ZNF232: variants seen among roughly 807,000 people sequenced by gnomAD.
The protein encoded by ZNF232 is zinc finger protein 232.
In ZNF232, 25 loss-of-function variants were observed where a neutral mutation model predicts 25.2. That is an observed-to-expected ratio of 0.99 (90% confidence interval 0.72 to 1.39). The LOEUF (loss-of-function observed/expected upper bound fraction) is 1.39, where lower values mean the gene tolerates loss of function less well. Ranked by LOEUF, ZNF232 falls within the 40% of genes most tolerant of loss-of-function variation. The pLI is 0.00. For synonymous variants in ZNF232, 193 were observed against 182.9 expected (o/e 1.06, Z -0.45); for missense variants, 519 against 520.9 (o/e 1.00, Z 0.04).
At chr17:5,113,602 A>T (rs2072466566), upstream of ZNF232, 1 of 152,236 alleles carries the variant, frequency 6.6e-6, no homozygotes, top group Non-Finnish European at 1.5e-5. Context: ...TCTGTATCTA[A>T]TTTTGCTAGG....
chr17:5,120,859 G>C, intron 1 of ZNF232: 1 of 454,526 alleles, frequency 2.2e-6, no homozygotes, highest in South Asian at 1.6e-5. Context: ...CAGCTGGAAC[G>C]CTGGCAGATC....
exon 4 of ZNF232, chr17:5,106,427 C>T (rs752151759): frequency 2.5e-6 from 4 of 1,614,242 alleles, no homozygotes; most frequent in South Asian, 1.1e-5. Context: ...TTTCTGAGAA[C>T]ACCTGTGATT....
At chr17:5,117,374 G>T (rs2072561207) in intron 1 of ZNF232, among the ~76,000 whole-genome samples, 1 of 151,962 alleles carries the variant, frequency 6.6e-6, no homozygotes, top group Non-Finnish European at 1.5e-5. Flanking sequence ...AAATTAGCCG[G>T]GTGTGGAGGC....
intron 3 of ZNF232, 170 bp downstream of exon 3, chr17:5,108,756 A>T: frequency 9.8e-7 from 1 of 1,024,454 alleles, no homozygotes; most frequent in Non-Finnish European, 1.4e-6. Flanking sequence ...TCCTAATTTT[A>T]TGAGTGATGA....
At chr17:5,105,991 T>A (rs199506531) in exon 4 of ZNF232, 47 of 1,614,052 alleles carry the variant, frequency 2.9e-5, no homozygotes, top group Middle Eastern at 3.3e-4. Context: ...CCACACTCAT[T>A]ACACTCATAG....
chr17:5,106,395 G>C, exon 4 of ZNF232: 5 of 1,614,204 alleles, frequency 3.1e-6, no homozygotes, highest in Non-Finnish European at 4.2e-6. Context: ...AGCTTCAAAT[G>C]TAGAGGTGTC....
upstream of ZNF232, among the ~76,000 whole-genome samples, chr17:5,115,156 T>C (rs1408507032): frequency 6.8e-6 from 1 of 147,122 alleles, no homozygotes; most frequent in Non-Finnish European, 1.5e-5. Flanking sequence ...TCAGGACGTC[T>C]CATTTTATTT....
intron 1 of ZNF232, chr17:5,120,912 C>G (rs2072641557): frequency 1.3e-5 from 6 of 454,420 alleles, no homozygotes; most frequent in South Asian, 9.3e-5. Flanking sequence ...ACCAGTTGGA[C>G]CAGCCCCTCA....
At chr17:5,109,893 C>T (rs2072356837) in intron 1 of ZNF232, 25 bp from the exon 2 acceptor site, 3 of 1,552,606 alleles carry the variant, frequency 1.9e-6, no homozygotes, top group East Asian at 2.2e-5. Flanking sequence ...GAAATCATTC[C>T]TCTTTTTTTT....
intron 2 of ZNF232, 37 bp from the exon 3 acceptor site, chr17:5,109,089 T>C (rs891353764): frequency 1.2e-6 from 2 of 1,613,186 alleles, no homozygotes; most frequent in Non-Finnish European, 1.7e-6. Context: ...TTAAATTTTC[T>C]TCAAATTACT....
At chr17:5,120,568 G>A (rs2072631703) in intron 1 of ZNF232, 1 of 353,710 alleles carries the variant, frequency 2.8e-6, no homozygotes, top group Non-Finnish European at 5.5e-6. Context: ...AAGAAGGCAG[G>A]CCCCAGGGTC....
chr17:5,113,196 ATTATC>A (rs1183294635), upstream of ZNF232, among the ~76,000 whole-genome samples: 1 of 152,184 alleles, frequency 6.6e-6, no homozygotes, highest in African/African-American at 2.4e-5. Flanking sequence ...TGGGGGATAT[ATTATC>A]TTTTTTCCTT....
exon 4 of ZNF232, chr17:5,106,439 C>T: frequency 6.2e-7 from 1 of 1,614,152 alleles, no homozygotes. Context: ...CCTGTGATTC[C>T]ACTTCAGTAA....
chr17:5,114,411 G>A (rs1205693416), upstream of ZNF232: 1 of 152,316 alleles, frequency 6.6e-6, no homozygotes, highest in African/African-American at 2.4e-5. Flanking sequence ...CATTCACAAA[G>A]TTTCTTTCCA....
chr17:5,117,746 C>T (rs1002113373), intron 1 of ZNF232, among the ~76,000 whole-genome samples: 6 of 151,836 alleles, frequency 4.0e-5, no homozygotes, highest in African/African-American at 9.7e-5. Flanking sequence ...TAGGAGGCTG[C>T]GATAATAGTA....
exon 2 of ZNF232, chr17:5,109,529 G>T (rs1597923793): frequency 1.2e-6 from 2 of 1,614,176 alleles, no homozygotes; most frequent in Non-Finnish European, 1.7e-6. Context: ...CCAGCACCAG[G>T]AACTCCAGGA....
At chr17:5,116,221 A>T (rs545407841), upstream of ZNF232, among the ~76,000 whole-genome samples, 17 of 138,616 alleles carry the variant, frequency 1.2e-4, no homozygotes, top group East Asian at 2.7e-3. Flanking sequence ...CGAGACGCTC[A>T]TTGAGAGGAC....
chr17:5,121,987 T>C (rs373220946), intron 1 of ZNF232, among the ~76,000 whole-genome samples: 1 of 151,706 alleles, frequency 6.6e-6, no homozygotes, highest in African/African-American at 2.4e-5. Flanking sequence ...GATTTGGAGC[T>C]GAAGAGGGGA....
rs144572405 is a variant in ZNF232, at chr17:5,107,244, C to T, written c.626-738G>A. On this transcript the variant is annotated intron_variant, in intron 3 of 3. Transcript: ENST00000575898. ...TCTACTAAAAATACAGAAAATTAGC[C>T]GAGCATGATGGCGGGCGCCTGTAGT... Among the ~76,000 whole-genome samples, 1,158 of 151,354 alleles carry T rather than the reference C, an allele frequency of 7.7e-3. 22 individuals carry two copies. The highest frequency in any genetic ancestry group is 0.026 in the African/African-American group (1,078 of 41,218).
Sources: gnomAD v4.1 joint callset for allele counts (sites outside exome capture counted in the v4.1 genomes callset) on GRCh38, gnomAD v4.1.1 for gene constraint, MANE v1.5 for transcripts, NCBI Gene and HGNC (gene_info 2026-07-23, HGNC 2026-07-21) for gene names.